Variants in CD82 observed in about 807,000 individuals in gnomAD.
CD82 encodes the protein CD82 molecule.
A neutral mutation model predicts 37.4 loss-of-function variants in CD82; 36 were observed. The observed-to-expected ratio is 0.96, with a 90% CI of 0.74 to 1.27. CD82 has a LOEUF of 1.27. Ranked by LOEUF, CD82 falls within the 50% of genes most tolerant of loss-of-function variation. CD82 has a pLI of 0.00. For synonymous variants in CD82, 158 were observed against 137.4 expected, an observed-to-expected ratio of 1.15 and a Z score of -1.05; for missense variants, 340 against 347.0, an observed-to-expected ratio of 0.98 and a Z score of 0.16.
intron 2 of CD82, among the ~76,000 whole-genome samples, chr11:44,590,111 G>T (rs376983673): frequency 3.3e-5 from 5 of 150,964 alleles, no homozygotes; most frequent in Non-Finnish European, 7.4e-5. Context: ...GGGATTACAG[G>T]TGTGAGCCAC....
chr11:44,568,067 A>G (rs1233930137), intron 1 of CD82, among the ~76,000 whole-genome samples: 1 of 152,310 alleles, frequency 6.6e-6, no homozygotes, highest in South Asian at 2.1e-4. Context: ...AGAACTTTGG[A>G]TCTGATTTGC....
intron 6 of CD82, 58 bp downstream of exon 6, chr11:44,605,487 C>T: frequency 1.3e-6 from 2 of 1,515,702 alleles, no homozygotes; most frequent in Non-Finnish European, 1.8e-6. Context: ...GGGTGATTGA[C>T]TGAGTGTGGG....
chr11:44,572,334 T>A (rs1864297), intron 1 of CD82, among the ~76,000 whole-genome samples: 19,317 of 152,268 alleles, frequency 0.13, 1,292 homozygotes, highest in South Asian at 0.19. Flanking sequence ...TCTTTTTACT[T>A]TCCCCTATTT....
At chr11:44,604,942 G>A in intron 4 of CD82, 116 bp from the exon 5 acceptor site, 1 of 1,434,244 alleles carries the variant, frequency 7.0e-7, no homozygotes, top group Non-Finnish European at 9.8e-7. Flanking sequence ...GCAGGGGAAT[G>A]CAGCTGACCC....
At chr11:44,611,117 G>C (rs1451270560) in intron 6 of CD82, among the ~76,000 whole-genome samples, 2 of 152,168 alleles carry the variant, frequency 1.3e-5, no homozygotes, top group African/African-American at 4.8e-5. Flanking sequence ...TTACACGTGT[G>C]AGCCACCACG....
In CD82 at chr11:44,618,383, G is replaced by A; in HGVS notation, c.642+18G>A. On this transcript the variant is annotated intron_variant, in intron 8 of 9. Transcript: ENST00000227155. ...ACCAGGAGGTGTGCGGGGGGCTGCGGATCGGGGGCGGGGCTCCGAGGGCGT... is the reference window on the plus strand; with the variant it reads ...ACCAGGAGGTGTGCGGGGGGCTGCGAATCGGGGGCGGGGCTCCGAGGGCGT... 1 of 1,606,636 alleles carries A rather than the reference G, an allele frequency of 6.2e-7. No individual in the cohort carries two copies. The highest frequency in any genetic ancestry group is 2.2e-5 in the East Asian group (1 of 44,746).
At chr11:44,566,716 C>T (rs923251594) in intron 1 of CD82, among the ~76,000 whole-genome samples, 11 of 152,186 alleles carry the variant, frequency 7.2e-5, no homozygotes, top group Admixed American at 1.3e-4. Flanking sequence ...TGCCAGGAAA[C>T]CAGTGAGACC....
Position 44,586,009 on chromosome 11 carries a change from C to T in CD82, c.-102-1466C>T, listed in dbSNP as rs376222274. On this transcript the variant is annotated intron_variant, in intron 1 of 9. Transcript: ENST00000227155. ...ATGCCAGAGTGCCAGGCAGATTCTC[C>T]CTGGCCAGGCGCTGCTGTACCAGAA... 1.1e-3 allele frequency among the ~76,000 whole-genome samples: 174 copies of T among 152,266 alleles called. 2 individuals carry two copies. Among genetic ancestry groups the T allele is most frequent in the Middle Eastern group, 0.01 (3 of 294 alleles).
rs952496593 is a variant in CD82 at position 44,620,117 on chromosome 11, G to T, written c.*991G>T. The T allele has an allele frequency of 5.2e-5, 8 of 152,412 alleles. No individual in the cohort carries two copies. The highest frequency in any genetic ancestry group is 1.2e-4 in the Non-Finnish European group (8 of 68,334). 9.4% of individuals were successfully genotyped at this position (152,412 alleles called of 1,614,324 possible). A position where few individuals can be genotyped will look rare whatever the true frequency, so the allele number is the denominator to read the frequency against. Reference sequence around the variant, plus strand: ...TGCTTAGGGACAGGTGAGTCCTTGGGGGCATGGCACAGAGCTGGTCCTGTA... The same window carrying T: ...TGCTTAGGGACAGGTGAGTCCTTGGTGGCATGGCACAGAGCTGGTCCTGTA... On this transcript the variant is annotated 3_prime_UTR_variant, in exon 10 of 10. Coordinates refer to ENST00000227155, the MANE Select transcript of CD82 (RefSeq NM_002231.4).
chr11:44,616,658 C>G (rs985873538), intron 7 of CD82, among the ~76,000 whole-genome samples: 2 of 152,218 alleles, frequency 1.3e-5, no homozygotes, highest in African/African-American at 4.8e-5. Flanking sequence ...GGGCTACTGA[C>G]CCATGCCGTG....
intron 7 of CD82, among the ~76,000 whole-genome samples, chr11:44,615,909 T>G (rs780874080): frequency 1.8e-4 from 27 of 152,114 alleles, no homozygotes; most frequent in African/African-American, 6.5e-4. Flanking sequence ...GTGAGAGAGA[T>G]GGATGGATGG....
At chr11:44,610,124 AC>A (rs924526287) in intron 6 of CD82, among the ~76,000 whole-genome samples, 5 of 152,156 alleles carry the variant, frequency 3.3e-5, no homozygotes, top group Non-Finnish European at 7.4e-5. Flanking sequence ...GGGCTATTTC[AC>A]ACCTTAAAGA....
intron 1 of CD82, among the ~76,000 whole-genome samples, chr11:44,583,360 C>T (rs190829712): frequency 2.2e-4 from 34 of 152,328 alleles, no homozygotes; most frequent in Admixed American, 4.6e-4. Flanking sequence ...ATCTAAAGGC[C>T]CTCCAGTCTC....
intron 4 of CD82, among the ~76,000 whole-genome samples, 193 bp downstream of exon 4, chr11:44,600,423 C>T (rs1291324861): frequency 6.6e-6 from 1 of 152,220 alleles, no homozygotes; most frequent in African/African-American, 2.4e-5. Flanking sequence ...AAGGAATTTT[C>T]TCTTCTTCCC....
rs1304798455 is a variant in CD82 at position 44,579,289 on chromosome 11, G to T, written c.-102-8186G>T. Among the ~76,000 whole-genome samples the T allele has an allele frequency of 2.6e-5, 4 of 152,210 alleles. No individual in the cohort carries two copies. In the East Asian group the frequency reaches 5.8e-4, roughly 22 times the overall value. On this transcript the variant is annotated intron_variant, in intron 1 of 9. Coordinates refer to ENST00000227155, the MANE Select transcript of CD82 (RefSeq NM_002231.4). ...AGAGGGTGGGCCCATTCCTTCGGAGGTCACAGGGGAGGCAGGACATGCAGG... is the reference window on the plus strand; with the variant it reads ...AGAGGGTGGGCCCATTCCTTCGGAGTTCACAGGGGAGGCAGGACATGCAGG...
At chr11:44,618,817 G>T (rs1451296174) in intron 9 of CD82, 94 bp downstream of exon 9, 2 of 1,110,466 alleles carry the variant, frequency 1.8e-6, no homozygotes, top group African/African-American at 3.1e-5. Context: ...GGCCAAGGGG[G>T]CCAGCACCCC....
At chr11:44,601,108 G>A (rs1215448764) in intron 4 of CD82, among the ~76,000 whole-genome samples, 1 of 152,124 alleles carries the variant, frequency 6.6e-6, no homozygotes, top group Non-Finnish European at 1.5e-5. Flanking sequence ...GTGGGAGAGG[G>A]AGGCACAGCG....
intron 6 of CD82, among the ~76,000 whole-genome samples, chr11:44,610,484 G>A (rs975956892): frequency 6.6e-6 from 1 of 152,240 alleles, no homozygotes; most frequent in Admixed American, 6.5e-5. Context: ...GGACGCAAAG[G>A]TCTCTCCTAA....
chr11:44,616,747 T>C (rs890979692), intron 7 of CD82, among the ~76,000 whole-genome samples: 1 of 152,248 alleles, frequency 6.6e-6, no homozygotes, highest in African/African-American at 2.4e-5. Context: ...TTAGTCACCA[T>C]GCACATCCAT....
Sources: gnomAD v4.1 joint callset for allele counts (sites outside exome capture counted in the v4.1 genomes callset) on GRCh38, gnomAD v4.1.1 for gene constraint, MANE v1.5 for transcripts, NCBI Gene and HGNC (gene_info 2026-07-23, HGNC 2026-07-21) for gene names.